Variants in ATXN1 observed in about 807,000 individuals in gnomAD.
ATXN1 encodes ataxin-1.
In ATXN1, 8 loss-of-function variants were observed where a neutral mutation model predicts 56.4. That is an observed-to-expected ratio of 0.14 (90% CI 0.08 to 0.26). The LOEUF is 0.26. Ranked by LOEUF, ATXN1 falls within the 10% of genes least tolerant of loss-of-function variation. The pLI, the probability that ATXN1 is intolerant of heterozygous loss-of-function variation, is 1.00. For missense variants in ATXN1, 987 were observed against 1,106.5 expected, an observed-to-expected ratio of 0.89 and a Z score of 1.53; for synonymous variants, 514 against 494.6, an observed-to-expected ratio of 1.04 and a Z score of -0.52.
chr6:16,739,032 C>A (rs565920809), intron 2 of ATXN1: 2 of 152,134 alleles, frequency 1.3e-5, no homozygotes, highest in African/African-American at 4.8e-5. Context: ...ATGGGCTGAA[C>A]TCCCAACGAG....
chr6:16,454,043 T>C (rs1759811571), intron 6 of ATXN1, among the ~76,000 whole-genome samples: 1 of 141,424 alleles, frequency 7.1e-6, no homozygotes, highest in Non-Finnish European at 1.5e-5. Context: ...ACTCAGACAA[T>C]CGCTTGAACC....
At chr6:16,465,839 C>T (rs1056801459) in intron 6 of ATXN1, among the ~76,000 whole-genome samples, 20 of 152,124 alleles carry the variant, frequency 1.3e-4, no homozygotes, top group Non-Finnish European at 2.9e-4. Context: ...GGTGTCTCTG[C>T]TAAGTCCGGG....
At chr6:16,512,324 T>C (rs1007296505) in intron 5 of ATXN1, among the ~76,000 whole-genome samples, 4 of 152,204 alleles carry the variant, frequency 2.6e-5, no homozygotes, top group African/African-American at 9.7e-5. Flanking sequence ...GAATTTATTA[T>C]GATCACAGAA....
At chr6:16,693,677 C>G (rs1375316369) in intron 2 of ATXN1, among the ~76,000 whole-genome samples, 5 of 152,174 alleles carry the variant, frequency 3.3e-5, no homozygotes, top group African/African-American at 9.7e-5. Flanking sequence ...TGATGCTCAT[C>G]ATGGCCCTAA....
intron 6 of ATXN1, among the ~76,000 whole-genome samples, chr6:16,350,345 G>T (rs1330335275): frequency 6.6e-6 from 1 of 152,206 alleles, no homozygotes; most frequent in Non-Finnish European, 1.5e-5. Flanking sequence ...AAAAAATCCA[G>T]GTGTGTTCTT....
At position 16,404,557 on chromosome 6, in the gene ATXN1, C is replaced by T. The variant is rs369743952; in HGVS notation, c.-160-76087G>A. Among the ~76,000 whole-genome samples the T allele has an allele frequency of 2.1e-4, 32 of 152,284 alleles. No homozygotes were observed. The South Asian group carries it at 4.1e-3, about 20-fold the overall frequency. ...GGGCATTTTGACACCCTTGGGGTTC[C>T]TGTCACGCTCAGCTTCCTGCTCGAC... is the stretch of plus-strand genomic sequence containing the variant. On this transcript the variant is annotated intron_variant, in intron 6 of 7. Transcript: ENST00000436367.
intron 6 of ATXN1, among the ~76,000 whole-genome samples, chr6:16,395,675 T>C (rs1321178787): frequency 6.6e-6 from 1 of 152,220 alleles, no homozygotes. Flanking sequence ...GTATTTACGA[T>C]ACTATACTTT....
intron 3 of ATXN1, among the ~76,000 whole-genome samples, chr6:16,646,010 A>G (rs1438199384): frequency 6.6e-6 from 1 of 152,092 alleles, no homozygotes; most frequent in Non-Finnish European, 1.5e-5. Context: ...GCTGGAACAC[A>G]GGGCTCCAGA....
intron 3 of ATXN1, among the ~76,000 whole-genome samples, chr6:16,649,410 A>C (rs2299063): frequency 0.23 from 35,735 of 152,104 alleles, 4,500 homozygotes; most frequent in East Asian, 0.48. Flanking sequence ...CCAGATATTC[A>C]CAAAATGTGG....
At chr6:16,389,142 G>T (rs1758298125) in intron 6 of ATXN1, among the ~76,000 whole-genome samples, 1 of 151,960 alleles carries the variant, frequency 6.6e-6, no homozygotes, top group African/African-American at 2.4e-5. Flanking sequence ...CGAGAGACCA[G>T]CCTGACCAAC....
At chr6:16,691,558 C>A (rs1265785853) in intron 2 of ATXN1, among the ~76,000 whole-genome samples, 2 of 152,108 alleles carry the variant, frequency 1.3e-5, no homozygotes, top group Non-Finnish European at 2.9e-5. Flanking sequence ...TAAGTAGGTA[C>A]TATTAGTTAA....
chr6:16,750,361 A>G (rs560687841), intron 2 of ATXN1, among the ~76,000 whole-genome samples: 48 of 152,368 alleles, frequency 3.2e-4, no homozygotes, highest in African/African-American at 1.2e-3. Flanking sequence ...AAGTTAGGTC[A>G]TAACTTGCTA....
chr6:16,711,269 C>T (rs760562999), intron 2 of ATXN1, among the ~76,000 whole-genome samples: 40 of 152,080 alleles, frequency 2.6e-4, no homozygotes, highest in Non-Finnish European at 4.6e-4. Context: ...TTTGAAATGG[C>T]TCATATACTT....
At chr6:16,491,758 C>G (rs897040079) in intron 5 of ATXN1, among the ~76,000 whole-genome samples, 19 of 152,080 alleles carry the variant, frequency 1.2e-4, no homozygotes, top group African/African-American at 4.3e-4. Context: ...TAAGTGAGGT[C>G]CAAAGTCAAC....
At chr6:16,541,677 G>A (rs896122202) in intron 4 of ATXN1, among the ~76,000 whole-genome samples, 5 of 152,158 alleles carry the variant, frequency 3.3e-5, no homozygotes, top group Non-Finnish European at 7.3e-5. Context: ...GCACAGTGCC[G>A]CACTTGGACC....
intron 6 of ATXN1, among the ~76,000 whole-genome samples, chr6:16,344,948 G>A (rs760079873): frequency 3.9e-5 from 6 of 152,124 alleles, no homozygotes; most frequent in Non-Finnish European, 7.3e-5. Context: ...ACGTGTTTTC[G>A]TCATTAGACC....
chr6:16,566,344 G>A (rs1341908172), intron 4 of ATXN1, among the ~76,000 whole-genome samples: 3 of 151,914 alleles, frequency 2.0e-5, no homozygotes, highest in Admixed American at 6.6e-5. Context: ...TCAAAGAGAC[G>A]GCTAAGAGAT....
intron 4 of ATXN1, among the ~76,000 whole-genome samples, chr6:16,538,439 T>G (rs1426103095): frequency 6.6e-6 from 1 of 152,150 alleles, no homozygotes; most frequent in Non-Finnish European, 1.5e-5. Flanking sequence ...CTTTTTTTTG[T>G]TTTTAATTAT....
intron 4 of ATXN1, among the ~76,000 whole-genome samples, chr6:16,564,282 G>C (rs1306025693): frequency 1.3e-5 from 2 of 151,082 alleles, no homozygotes; most frequent in African/African-American, 4.9e-5. Flanking sequence ...AGAGAGAGGA[G>C]GCCATCGTGA....
Sources: allele counts gnomAD v4.1 joint callset (sites outside exome capture counted in the v4.1 genomes callset), GRCh38; gene constraint gnomAD v4.1.1; transcripts MANE v1.5; gene names NCBI Gene and HGNC (gene_info 2026-07-23, HGNC 2026-07-21).